RBM33: variants seen among roughly 807,000 people sequenced by gnomAD.
RBM33 encodes the protein RNA binding motif protein 33, also known as RNA-binding protein 33.
A neutral mutation model predicts 132.6 loss-of-function variants in RBM33; 28 were observed. That is an observed-to-expected ratio of 0.21 (90% confidence interval 0.16 to 0.29). RBM33 has a LOEUF of 0.29. Ranked by LOEUF, RBM33 falls within the 10% of genes least tolerant of loss-of-function variation. The pLI, the probability that RBM33 is intolerant of heterozygous loss-of-function variation, is 1.00. For missense variants in RBM33, 1,291 were observed against 1,518.5 expected, an observed-to-expected ratio of 0.85 and a Z score of 2.49; for synonymous variants, 634 against 593.0, an observed-to-expected ratio of 1.07 and a Z score of -1.01.
At chr7:155,696,129 A>G (rs1799788233) in intron 5 of RBM33, among the ~76,000 whole-genome samples, 1 of 152,126 alleles carries the variant, frequency 6.6e-6, no homozygotes, top group South Asian at 2.1e-4. Flanking sequence ...TTGTATCCCT[A>G]TATCAGTACT....
At chr7:155,662,310 C>T (rs550590993) in intron 1 of RBM33, among the ~76,000 whole-genome samples, 5 of 152,062 alleles carry the variant, frequency 3.3e-5, no homozygotes, top group Non-Finnish European at 5.9e-5. Context: ...AAGCAGGGGC[C>T]CTCCTCACCT....
chr7:155,770,594 C>CTTTTT (rs34251346), intron 16 of RBM33, among the ~76,000 whole-genome samples: 3 of 136,268 alleles, frequency 2.2e-5, no homozygotes, highest in Non-Finnish European at 4.7e-5. Flanking sequence ...CAGCTGATAC[C>CTTTTT]TTTTTTTTTT....
Position 155,680,866 on chromosome 7 carries a change from A to T in RBM33, c.525A>T (p.Glu175Asp). The change falls in exon 5 of 18, where the codon GAA (glutamate) becomes GAT (aspartate). Residue 175 changes from glutamate (E) to aspartate (D), a missense_variant. Physicochemically the swap from Glu to Asp is conservative, Grantham distance 45. This residue lies in a region of RBM33 where 194 missense variants were observed against 249.8 expected (regional missense o/e 0.78). Coordinates refer to ENST00000401878, the MANE Select transcript of RBM33 (RefSeq NM_053043.3). The part of the protein sequence containing the change: ...EPEEEQLYTD[E>D]VLDIEINEPL... ...AGGAGGAGCAGCTTTACACTGATGA[A>T]GTGTTAGACATCGAGATCAATGAAC... is the stretch of plus-strand genomic sequence containing the variant. 1 of 1,613,830 alleles carries T rather than the reference A, an allele frequency of 6.2e-7. No homozygotes were observed. The highest frequency in any genetic ancestry group is 8.5e-7 in the Non-Finnish European group (1 of 1,179,814).
chr7:155,673,940 GTT>G (rs71186053), intron 3 of RBM33, among the ~76,000 whole-genome samples: 1,005 of 54,032 alleles, frequency 0.019, 189 homozygotes, highest in Middle Eastern at 0.096. Context: ...TTTAGGCTTA[GTT>G]TTTTTTTTTT....
chr7:155,656,465 G>A (rs1045409142), intron 1 of RBM33, among the ~76,000 whole-genome samples: 1 of 152,102 alleles, frequency 6.6e-6, no homozygotes, highest in South Asian at 2.1e-4. Flanking sequence ...GTGTAGTATC[G>A]AAGAATATCT....
At chr7:155,661,146 A>ATTTTTT (rs3080619) in intron 1 of RBM33, among the ~76,000 whole-genome samples, 2,153 of 80,964 alleles carry the variant, frequency 0.027, 80 homozygotes, top group African/African-American at 0.046. Context: ...ATATATATAT[A>ATTTTTT]TTTTTTTTTT....
At chr7:155,754,650 C>T (rs1801789698) in intron 14 of RBM33, among the ~76,000 whole-genome samples, 1 of 152,244 alleles carries the variant, frequency 6.6e-6, no homozygotes, top group Non-Finnish European at 1.5e-5. Flanking sequence ...CAAAGGTCAG[C>T]TAATCTTGCT....
At chr7:155,673,477 C>T (rs946168233) in intron 3 of RBM33, among the ~76,000 whole-genome samples, 19 of 130,436 alleles carry the variant, frequency 1.5e-4, no homozygotes, top group African/African-American at 5.1e-4. Flanking sequence ...TATACATACA[C>T]GTGTGTATAT....
intron 16 of RBM33, among the ~76,000 whole-genome samples, chr7:155,768,647 C>T (rs981962113): frequency 4.6e-5 from 7 of 152,230 alleles, no homozygotes; most frequent in African/African-American, 7.2e-5. Flanking sequence ...GACGGAGTCT[C>T]GCTCTGTCGC....
chr7:155,752,161 CGA>C (rs1801705902), intron 14 of RBM33, among the ~76,000 whole-genome samples: 1 of 152,144 alleles, frequency 6.6e-6, no homozygotes, highest in Non-Finnish European at 1.5e-5. Flanking sequence ...AGAAGATGTT[CGA>C]GCTCACCTTG....
At chr7:155,673,678 G>GTA (rs1221148611) in intron 3 of RBM33, among the ~76,000 whole-genome samples, 25 of 115,230 alleles carry the variant, frequency 2.2e-4, no homozygotes, top group Admixed American at 3.5e-4. Context: ...ATACACACGT[G>GTA]TATATATATA....
rs1554469952 is a variant in RBM33, at chr7:155,673,768, G to GCGCGCGCACACACA, written c.171+854_171+855insGCGCGCACACACAC. Among the ~76,000 whole-genome samples the GCGCGCGCACACACA allele has an allele frequency of 6.0e-5, 8 of 132,962 alleles. 1 individual carries two copies. Among genetic ancestry groups the GCGCGCGCACACACA allele is most frequent in the African/African-American group, 2.6e-4 (8 of 30,836 alleles). 87.2% of individuals were successfully genotyped at this position (132,962 alleles called of 152,430 possible). A position where few individuals can be genotyped will look rare whatever the true frequency, so the allele number is the denominator to read the frequency against. On this transcript the variant is annotated intron_variant, in intron 3 of 17. Transcript: ENST00000401878. Reference sequence around the variant, plus strand: ...CACGTGTATATACGCGCGCATGCGCGCACACACACACACACACACACACAC... The same window carrying GCGCGCGCACACACA: ...CACGTGTATATACGCGCGCATGCGCGCGCGCGCACACACACACACACACACACACACACACACAC...
intron 8 of RBM33, among the ~76,000 whole-genome samples, chr7:155,715,276 A>G: frequency 6.6e-6 from 1 of 152,218 alleles, no homozygotes; most frequent in Non-Finnish European, 1.5e-5. Flanking sequence ...AACTGCTGTC[A>G]GTCTAATTTG....
At chr7:155,726,638 A>G (rs1204831004) in intron 9 of RBM33, among the ~76,000 whole-genome samples, 1 of 152,260 alleles carries the variant, frequency 6.6e-6, no homozygotes. Flanking sequence ...AACTCATAAC[A>G]GTTTTAAAAT....
At chr7:155,684,762 C>T (rs1799425714) in intron 5 of RBM33, among the ~76,000 whole-genome samples, 1 of 152,178 alleles carries the variant, frequency 6.6e-6, no homozygotes, top group Non-Finnish European at 1.5e-5. Context: ...CATTAACACG[C>T]AGAGGAGGTT....
chr7:155,708,195 T>C (rs76640803), intron 7 of RBM33, among the ~76,000 whole-genome samples: 5,515 of 152,316 alleles, frequency 0.036, 326 homozygotes, highest in African/African-American at 0.13. Context: ...AGCATGAGAA[T>C]TCCAACTCTG....
rs750283986 is a variant in RBM33 at position 155,745,141 on chromosome 7, C to T, written c.2518C>T (p.Pro840Ser). 13 of 1,603,768 alleles carry T rather than the reference C, an allele frequency of 8.1e-6. No individual in the cohort carries two copies. The highest frequency in any genetic ancestry group is 1.3e-5 in the African/African-American group (1 of 74,680). ...GCAGCAGCTGTACGCTCCCCCACCC[C>T]CAGCAGAGCAGGAAGAGCAGGCACT... is the stretch of plus-strand genomic sequence containing the variant. ...QQQQLYAPPPPAEQEEQALSP... is the reference protein window; with the variant it reads ...QQQQLYAPPPSAEQEEQALSP... The change falls in exon 14 of 18, where the codon CCA (proline) becomes TCA (serine). Residue 840 changes from proline to serine, a missense_variant. Coordinates refer to ENST00000401878, the MANE Select transcript of RBM33 (RefSeq NM_053043.3). The surrounding 1 kb of genome is among the most constrained non-coding windows in gnomAD (Gnocchi z 4.1).
chr7:155,688,094 C>A (rs1799530193), intron 5 of RBM33, among the ~76,000 whole-genome samples: 2 of 152,188 alleles, frequency 1.3e-5, no homozygotes, highest in Admixed American at 6.5e-5. Context: ...GATATTAATT[C>A]TTCCTATCCA....
intron 5 of RBM33, among the ~76,000 whole-genome samples, chr7:155,683,514 G>T (rs1195929234): frequency 6.6e-6 from 1 of 152,164 alleles, no homozygotes; most frequent in Non-Finnish European, 1.5e-5. Context: ...GAGGGGCTTT[G>T]GTGCATAACA....
Sources: gnomAD v4.1 joint callset for allele counts (sites outside exome capture counted in the v4.1 genomes callset) on GRCh38, gnomAD v4.1.1 for gene constraint, gnomAD v4.1.1 regional missense constraint, Gnocchi (gnomAD v3.1) non-coding constraint, MANE v1.5 for transcripts, NCBI Gene and HGNC (gene_info 2026-07-23, HGNC 2026-07-21) for gene names.